The following KCTD17 variants were observed in gnomAD, a reference collection of about 807,000 sequenced individuals.
KCTD17 encodes potassium channel tetramerization domain containing 17, also known as BTB/POZ domain-containing protein KCTD17.
KCTD17 carries 20 observed loss-of-function variants against 41.5 expected under a neutral mutation model. The ratio of observed to expected loss-of-function variants is 0.48; its 90% CI spans 0.34 to 0.70. The LOEUF is 0.70. Among genes scored for constraint, KCTD17 ranks in the 30% least tolerant of loss-of-function variants. KCTD17 has a pLI of 0.01. For missense variants in KCTD17, 317 were observed against 427.2 expected (o/e 0.74, Z 2.27); for synonymous variants, 156 against 173.8 (o/e 0.90, Z 0.80).
rs1395917621 is a variant in KCTD17 at position 37,052,947 on chromosome 22, G to C, written c.190-153G>C. The C allele has an allele frequency of 2.6e-5, 16 of 625,678 alleles. No individual in the cohort carries two copies. The East Asian group carries it at 4.5e-4, about 18-fold the overall frequency. 38.8% of individuals were successfully genotyped at this position (625,678 alleles called of 1,614,324 possible). A position where few individuals can be genotyped will look rare whatever the true frequency, so the allele number is the denominator to read the frequency against. Reference sequence around the variant, plus strand: ...GAGTCAGAAGCAGGGCTTGAACTCAGGTCCATCTGACCCCAGTGCCTTTTT... The same window carrying C: ...GAGTCAGAAGCAGGGCTTGAACTCACGTCCATCTGACCCCAGTGCCTTTTT... On this transcript the variant is annotated intron_variant, in intron 1 of 8. Coordinates refer to ENST00000403888, the MANE Select transcript of KCTD17 (RefSeq NM_001282684.2).
rs1925480079 is a variant in KCTD17 at position 37,059,189 on chromosome 22, C to T, written c.487-124C>T. The T allele has an allele frequency of 2.2e-6, 3 of 1,358,684 alleles. No individual in the cohort carries two copies. In the South Asian group the frequency reaches 3.8e-5, roughly 17 times the overall value. 84.2% of individuals were successfully genotyped at this position (1,358,684 alleles called of 1,614,324 possible). Reference sequence around the variant, plus strand: ...TGCCCTCTACAAACCCAGGAGTGGGCCCGACAAGCCGCAAGATTAGGACCT... The same window carrying T: ...TGCCCTCTACAAACCCAGGAGTGGGTCCGACAAGCCGCAAGATTAGGACCT... On this transcript the variant is annotated intron_variant, in intron 4 of 8. Coordinates refer to ENST00000403888, the MANE Select transcript of KCTD17 (RefSeq NM_001282684.2).
rs1265666699 is a variant in KCTD17 at position 37,057,383 on chromosome 22, C to G, written c.391-15C>G. On this transcript the variant is annotated splice_polypyrimidine_tract_variant and intron_variant, in intron 3 of 8. Coordinates refer to ENST00000403888, the MANE Select transcript of KCTD17 (RefSeq NM_001282684.2). Reference sequence around the variant, plus strand: ...GCTCCCACAGGTGCCCTCTATGTGACCCTTCTGCCCACAGGTCCCACCCAA... The same window carrying G: ...GCTCCCACAGGTGCCCTCTATGTGAGCCTTCTGCCCACAGGTCCCACCCAA... 1 of 1,610,438 alleles carries G rather than the reference C, an allele frequency of 6.2e-7. No individual in the cohort carries two copies. Among genetic ancestry groups the G allele is most frequent in the Admixed American group, 1.7e-5 (1 of 59,980 alleles).
At chr22:37,052,311 T>C (rs1217109377) in intron 1 of KCTD17, 2 of 362,202 alleles carry the variant, frequency 5.5e-6, no homozygotes, top group South Asian at 2.2e-5. Flanking sequence ...CTTCTCCCGC[T>C]CTTTGGGATG....
intron 8 of KCTD17, 145 bp from the exon 9 acceptor site, chr22:37,062,380 A>C: frequency 1.5e-5 from 21 of 1,424,152 alleles, no homozygotes; most frequent in East Asian, 8.2e-5. Flanking sequence ...TCCAGAAGGA[A>C]GCCTGTGACT....
chr22:37,057,591 T>C, intron 4 of KCTD17, 98 bp downstream of exon 4: 1 of 910,242 alleles, frequency 1.1e-6, no homozygotes, highest in South Asian at 1.5e-5. Flanking sequence ...AGCCTTGGGT[T>C]CCCCACCACA....
At position 37,063,370 on chromosome 22, in the gene KCTD17, A is replaced by C. The variant is rs1020278216; in HGVS notation, c.*776A>C. The C allele has an allele frequency of 6.6e-6, 1 of 152,206 alleles. No individual in the cohort carries two copies. The highest frequency in any genetic ancestry group is 2.4e-5 in the African/African-American group (1 of 41,400). 9.4% of individuals were successfully genotyped at this position (152,206 alleles called of 1,614,324 possible). On this transcript the variant is annotated 3_prime_UTR_variant, in exon 9 of 9. Transcript: ENST00000403888. The surrounding 1 kb of genome is among the most constrained non-coding windows in gnomAD (Gnocchi z 4.6). ...GCTGTGTCCGACCCCACCATGTAAT[A>C]AAACCCAAAGGAACAGCCCAGCCTG... is the stretch of plus-strand genomic sequence containing the variant.
At chr22:37,055,725 G>A (rs962708406) in intron 2 of KCTD17, among the ~76,000 whole-genome samples, 4 of 152,282 alleles carry the variant, frequency 2.6e-5, no homozygotes, top group African/African-American at 9.6e-5. Context: ...GCAGTTGGGG[G>A]AATGCATGGA....
At chr22:37,058,697 G>A (rs1260372775) in intron 4 of KCTD17, among the ~76,000 whole-genome samples, 3 of 152,310 alleles carry the variant, frequency 2.0e-5, no homozygotes, top group South Asian at 4.1e-4. Context: ...CTCTGTGGGC[G>A]TGGTTATTCT....
intron 2 of KCTD17, among the ~76,000 whole-genome samples, chr22:37,054,473 C>G (rs984748979): frequency 6.6e-6 from 1 of 151,286 alleles, no homozygotes; most frequent in Non-Finnish European, 1.5e-5. Context: ...GCTAGGGGAT[C>G]ACACAGGGCT....
intron 5 of KCTD17, among the ~76,000 whole-genome samples, chr22:37,060,079 C>T (rs545128652): frequency 2.9e-4 from 44 of 152,334 alleles, no homozygotes; most frequent in Admixed American, 2.5e-3. Context: ...ATCCACTGTA[C>T]CACTGTGGGG....
rs1465146488 is a variant in KCTD17, at chr22:37,056,276, T to C, written c.299-44T>C. ...GAGGGAACAAGAGGAGAATGGGGCA[T>C]GGAGGCAGAAGGAGTGACCTGGGAT... On this transcript the variant is annotated intron_variant, in intron 2 of 8. Coordinates refer to ENST00000403888, the MANE Select transcript of KCTD17 (RefSeq NM_001282684.2). 5 of 1,544,394 alleles carry C rather than the reference T, an allele frequency of 3.2e-6. No individual in the cohort carries two copies. In the African/African-American group the frequency reaches 5.4e-5, roughly 17 times the overall value.
rs1297751083 is a variant in KCTD17 at position 37,061,142 on chromosome 22, C to A, written c.751C>A (p.Pro251Thr). The A allele has an allele frequency of 6.4e-7, 1 of 1,551,292 alleles. No homozygotes were observed. Among genetic ancestry groups the A allele is most frequent in the Non-Finnish European group, 8.7e-7 (1 of 1,146,950 alleles). ...GGATCCCGCTAACCTTTTCTCCCTCCCACCACTGCCTCCTCCTCCGCTTCC... is the reference window on the plus strand; with the variant it reads ...GGATCCCGCTAACCTTTTCTCCCTCACACCACTGCCTCCTCCTCCGCTTCC... ...SQDPANLFSL[P>T]PLPPPPLPAG... is the part of the protein sequence containing the mutation. The change falls in exon 7 of 9, where the codon CCA becomes ACA. Residue 251 changes from proline (P) to threonine (T), a missense_variant. By Grantham distance (38) the Pro-to-Thr change is conservative. Around this residue, in one of 4 missense-constraint regions of KCTD17, gnomAD observed 177 missense variants for 194.4 expected, o/e 0.91. Coordinates refer to ENST00000403888, the MANE Select transcript of KCTD17 (RefSeq NM_001282684.2). The surrounding 1 kb of genome is among the most constrained non-coding windows in gnomAD (Gnocchi z 6.6).
intron 2 of KCTD17, among the ~76,000 whole-genome samples, chr22:37,054,673 G>C (rs1299334615): frequency 6.6e-6 from 1 of 152,150 alleles, no homozygotes; most frequent in South Asian, 2.1e-4. Flanking sequence ...ACCTCACCGA[G>C]CTGTCATGAG....
chr22:37,063,050 C>T lies in KCTD17; in HGVS notation c.*456C>T, dbSNP rs556219268. On this transcript the variant is annotated 3_prime_UTR_variant, in exon 9 of 9. Transcript: ENST00000403888. The surrounding 1 kb of genome is among the most constrained non-coding windows in gnomAD (Gnocchi z 4.6). ...GCCCTGGGATGGGAAGGACCCAGCCCGACCCCTGGGCATAACACTGTGTTT... is the reference window on the plus strand; with the variant it reads ...GCCCTGGGATGGGAAGGACCCAGCCTGACCCCTGGGCATAACACTGTGTTT... The T allele has an allele frequency of 5.4e-5, 9 of 166,712 alleles. No individual in the cohort carries two copies. The highest frequency in any genetic ancestry group is 1.8e-4 in the East Asian group (1 of 5,650). The allele number at this position is 166,712 out of a possible 1,614,324, so 10.3% of individuals were successfully genotyped here. A position where few individuals can be genotyped will look rare whatever the true frequency, so the allele number is the denominator to read the frequency against.
chr22:37,060,033 C>T (rs1925590893), intron 5 of KCTD17, among the ~76,000 whole-genome samples: 3 of 152,178 alleles, frequency 2.0e-5, no homozygotes, highest in Admixed American at 2.0e-4. Flanking sequence ...GTCCGCCTGG[C>T]CTGTTGAGGC....
At chr22:37,054,201 C>T (rs1181551826) in intron 2 of KCTD17, among the ~76,000 whole-genome samples, 2 of 152,186 alleles carry the variant, frequency 1.3e-5, no homozygotes, top group East Asian at 3.9e-4. Flanking sequence ...AGCCCCACAG[C>T]TTGCCTGTTA....
intron 2 of KCTD17, among the ~76,000 whole-genome samples, chr22:37,055,794 T>C (rs1302934644): frequency 6.6e-6 from 1 of 152,032 alleles, no homozygotes; most frequent in Non-Finnish European, 1.5e-5. Context: ...AGCGCTTGAG[T>C]TCCCTCTGGC....
In KCTD17 at chr22:37,061,192, A is replaced by G; in HGVS notation, c.784+17A>G. 6.4e-7 allele frequency: 1 copy of G among 1,550,430 alleles called. No homozygotes were observed. On this transcript the variant is annotated intron_variant, in intron 7 of 8. Transcript: ENST00000403888. The surrounding 1 kb of genome is among the most constrained non-coding windows in gnomAD (Gnocchi z 6.6). ...CCGCTGGAGGTCCTGCCTCATCTTC[A>G]TCCACCTCTTCTTCCTCCTGGATCT...
intron 5 of KCTD17, 182 bp downstream of exon 5, chr22:37,059,620 G>A: frequency 2.8e-6 from 2 of 721,682 alleles, no homozygotes; most frequent in Non-Finnish European, 4.5e-6. Context: ...CCAGGCCCAG[G>A]CTGGGAGCAG....
Sources: allele counts gnomAD v4.1 joint callset (sites outside exome capture counted in the v4.1 genomes callset), GRCh38; gene constraint gnomAD v4.1.1; regional missense constraint gnomAD v4.1.1; non-coding constraint Gnocchi (gnomAD v3.1); transcripts MANE v1.5; gene names NCBI Gene and HGNC (gene_info 2026-07-23, HGNC 2026-07-21).